The following CPVL variants were observed in gnomAD, a reference collection of about 807,000 sequenced individuals.
CPVL encodes probable serine carboxypeptidase CPVL.
In CPVL, 51 loss-of-function variants were observed where a neutral mutation model predicts 63.7. The observed-to-expected ratio is 0.80, with a 90% CI of 0.64 to 1.01. The LOEUF (loss-of-function observed/expected upper bound fraction) is 1.01, where lower values mean the gene tolerates loss of function less well. CPVL is among the 50% of genes least tolerant of loss of function. CPVL has a pLI of 0.00. For synonymous variants in CPVL, 195 were observed against 206.0 expected (o/e 0.95, Z 0.46); for missense variants, 530 against 573.1 (o/e 0.92, Z 0.77).
chr7:29,153,783 T>C (rs1218060087), intron 5 of CPVL, among the ~76,000 whole-genome samples: 1 of 152,162 alleles, frequency 6.6e-6, no homozygotes, highest in Non-Finnish European at 1.5e-5. Flanking sequence ...TTGGCCAGGC[T>C]GGTCTCGAAC....
At chr7:29,195,342 A>C (rs1783550614), upstream of CPVL, 5 of 274,652 alleles carry the variant, frequency 1.8e-5, 1 homozygote, top group South Asian at 4.3e-4. Flanking sequence ...GTTGGGGTGA[A>C]GCAGAGCGCC....
chr7:29,024,244 C>A (rs575502167), intron 12 of CPVL, among the ~76,000 whole-genome samples: 11 of 152,126 alleles, frequency 7.2e-5, no homozygotes, highest in South Asian at 6.2e-4. Flanking sequence ...AAGCAGAATA[C>A]TTTTTGAAGT....
At chr7:29,120,349 G>A (rs1789233509) in intron 2 of CPVL, among the ~76,000 whole-genome samples, 1 of 152,034 alleles carries the variant, frequency 6.6e-6, no homozygotes. Flanking sequence ...TTGAGCCCAG[G>A]AGGCAGAGGT....
chr7:29,037,951 T>C (rs549088541), intron 11 of CPVL, among the ~76,000 whole-genome samples: 2 of 152,276 alleles, frequency 1.3e-5, no homozygotes, highest in African/African-American at 2.4e-5. Context: ...GGAGGGCAAA[T>C]AGGATACCAA....
chr7:29,112,880 T>A (rs1788394349), intron 2 of CPVL, 58 bp from the exon 3 acceptor site: 7 of 1,160,640 alleles, frequency 6.0e-6, no homozygotes, highest in Non-Finnish European at 7.8e-6. Context: ...AACAAAAATG[T>A]GAGCCATCTA....
At chr7:29,171,176 T>C (rs534512864) in intron 5 of CPVL, among the ~76,000 whole-genome samples, 18 of 152,312 alleles carry the variant, frequency 1.2e-4, no homozygotes, top group African/African-American at 4.1e-4. Context: ...AGCCCTAACA[T>C]TGCTTACATA....
chr7:29,148,569 CAG>C (rs1234138219), upstream of CPVL: 8 of 152,164 alleles, frequency 5.3e-5, no homozygotes, highest in African/African-American at 1.9e-4. Flanking sequence ...ATAATTAAAA[CAG>C]AGTCAAAAGA....
intron 12 of CPVL, among the ~76,000 whole-genome samples, chr7:29,013,764 C>T (rs1352233857): frequency 1.3e-5 from 2 of 152,238 alleles, no homozygotes; most frequent in Non-Finnish European, 2.9e-5. Flanking sequence ...GTGCATTCAG[C>T]AGACAGCCCC....
intron 3 of CPVL, among the ~76,000 whole-genome samples, chr7:29,099,070 A>T (rs139329243): frequency 0.028 from 4,284 of 152,182 alleles, 176 homozygotes; most frequent in African/African-American, 0.096. Flanking sequence ...CGTCTCAAAA[A>T]AATAATAATA....
intron 3 of CPVL, among the ~76,000 whole-genome samples, chr7:29,103,182 G>GGGGA (rs1787354080): frequency 5.2e-5 from 1 of 19,416 alleles, no homozygotes; most frequent in Non-Finnish European, 9.2e-5. Context: ...TAATATACTG[G>GGGGA]GGGGGGGGGG....
chr7:29,013,071 T>C (rs1786013745), intron 12 of CPVL: 1 of 152,262 alleles, frequency 6.6e-6, no homozygotes, highest in South Asian at 2.1e-4. Context: ...ATGGAAATAA[T>C]GTTCTGGGAC....
intron 1 of CPVL, among the ~76,000 whole-genome samples, chr7:29,136,698 T>A (rs942442236): frequency 6.6e-6 from 1 of 152,172 alleles, no homozygotes. Context: ...TTTTTTATCA[T>A]GAGAATTATA....
At chr7:29,033,993 G>A (rs1788275922) in intron 11 of CPVL, among the ~76,000 whole-genome samples, 1 of 152,110 alleles carries the variant, frequency 6.6e-6, no homozygotes, top group African/African-American at 2.4e-5. Flanking sequence ...TTCAAACCTG[G>A]GGAAAGAACA....
At chr7:29,002,311 A>G (rs1784725803) in intron 12 of CPVL, among the ~76,000 whole-genome samples, 1 of 152,196 alleles carries the variant, frequency 6.6e-6, no homozygotes, top group Non-Finnish European at 1.5e-5. Context: ...CTTGGAAGTA[A>G]TAACAAACCA....
chr7:29,034,915 G>A (rs764083589), intron 11 of CPVL, among the ~76,000 whole-genome samples: 7 of 149,252 alleles, frequency 4.7e-5, no homozygotes, highest in South Asian at 4.2e-4. Flanking sequence ...GGCAAAAGAT[G>A]AGTCTTTTGG....
At chr7:29,094,654 C>T (rs771039156) in intron 5 of CPVL, among the ~76,000 whole-genome samples, 35 of 152,074 alleles carry the variant, frequency 2.3e-4, no homozygotes, top group Admixed American at 1.2e-3. Flanking sequence ...TGAGACCAGA[C>T]TGGCTAACAT....
chr7:29,007,091 G>A (rs553509550), intron 12 of CPVL, among the ~76,000 whole-genome samples: 6 of 152,212 alleles, frequency 3.9e-5, no homozygotes, highest in Admixed American at 6.5e-5. Context: ...GTATTTATCC[G>A]CTTTCCATTT....
chr7:29,185,747 T>C (rs1798632061), intron 2 of CPVL: 1 of 152,184 alleles, frequency 6.6e-6, no homozygotes, highest in Non-Finnish European at 1.5e-5. Context: ...TTGCAAACCA[T>C]CGCCCTAGGA....
At chr7:29,191,031 C>T (rs998239291) in intron 1 of CPVL, among the ~76,000 whole-genome samples, 4 of 151,888 alleles carry the variant, frequency 2.6e-5, no homozygotes, top group African/African-American at 9.7e-5. Context: ...AACTTCTGGA[C>T]TCAAGCAATT....
Sources: allele counts gnomAD v4.1 joint callset (sites outside exome capture counted in the v4.1 genomes callset), GRCh38; gene constraint gnomAD v4.1.1; transcripts MANE v1.5; gene names NCBI Gene and HGNC (gene_info 2026-07-23, HGNC 2026-07-21).